CDH13: variants seen among roughly 807,000 people sequenced by gnomAD.
The protein encoded by CDH13 is cadherin-13.
CDH13 carries 24 observed loss-of-function variants against 63.8 expected under a neutral mutation model. The ratio of observed to expected loss-of-function variants is 0.38; its 90% CI spans 0.27 to 0.53. The LOEUF is 0.53. Ranked by LOEUF, CDH13 falls within the 20% of genes least tolerant of loss-of-function variation. The pLI is 0.85. For synonymous variants in CDH13, 503 were observed against 355.3 expected, an observed-to-expected ratio of 1.42 and a Z score of -4.67; for missense variants, 1,049 against 903.1, an observed-to-expected ratio of 1.16 and a Z score of -2.07.
In CDH13 at chr16:83,193,280, A is replaced by T. The variant is rs147811418; in HGVS notation, c.484-24065A>T. Among the ~76,000 whole-genome samples, 786 of 151,530 alleles carry T rather than the reference A, an allele frequency of 5.2e-3. 5 individuals carry two copies. The highest frequency in any genetic ancestry group is 0.017 in the African/African-American group (721 of 41,280). The stretch of plus-strand genomic sequence containing the variant: ...ATCTTGGAAGCAAGCCTCCAGGTGG[A>T]TTTTATTCCTATTTTACAGTGGAGG... On this transcript the variant is annotated intron_variant, in intron 4 of 13. Transcript: ENST00000567109.
At chr16:83,022,733 C>T (rs1915457991) in intron 2 of CDH13, among the ~76,000 whole-genome samples, 1 of 152,180 alleles carries the variant, frequency 6.6e-6, no homozygotes, top group Admixed American at 6.5e-5. Flanking sequence ...ATCTGACCAT[C>T]CACTCTGAAA....
intron 7 of CDH13, among the ~76,000 whole-genome samples, chr16:83,529,527 C>T (rs766727804): frequency 1.3e-5 from 2 of 151,960 alleles, no homozygotes; most frequent in Non-Finnish European, 2.9e-5. Context: ...TTTACTAGCC[C>T]AGAGCAATGT....
chr16:82,846,456 C>G (rs1012465691), intron 1 of CDH13, among the ~76,000 whole-genome samples: 11 of 152,170 alleles, frequency 7.2e-5, no homozygotes, highest in Non-Finnish European at 1.5e-5. Flanking sequence ...TGTGTTTACT[C>G]ATTGACTCAT....
chr16:82,640,676 G>A (rs1415836324), intron 1 of CDH13, among the ~76,000 whole-genome samples: 2 of 152,154 alleles, frequency 1.3e-5, no homozygotes, highest in African/African-American at 4.8e-5. Flanking sequence ...ATAGGGCAGA[G>A]GCCAGCGAGG....
At chr16:82,800,930 A>G (rs954515027) in intron 1 of CDH13, among the ~76,000 whole-genome samples, 1 of 152,004 alleles carries the variant, frequency 6.6e-6, no homozygotes, top group Non-Finnish European at 1.5e-5. Context: ...TTTCGACTCC[A>G]TTTGGTACAT....
intron 6 of CDH13, among the ~76,000 whole-genome samples, chr16:83,397,182 T>C (rs888243087): frequency 6.6e-6 from 1 of 152,162 alleles, no homozygotes; most frequent in African/African-American, 2.4e-5. Flanking sequence ...CACCAAGTTG[T>C]GTTTCCCCAA....
At chr16:82,935,027 C>T (rs1365123523) in intron 2 of CDH13, among the ~76,000 whole-genome samples, 2 of 152,180 alleles carry the variant, frequency 1.3e-5, no homozygotes, top group East Asian at 1.9e-4. Context: ...ACCCCGCTCC[C>T]TCGGTACCAA....
intron 7 of CDH13, among the ~76,000 whole-genome samples, chr16:83,577,656 G>A (rs1598319074): frequency 6.6e-6 from 1 of 152,190 alleles, no homozygotes; most frequent in Non-Finnish European, 1.5e-5. Context: ...AGAGGGCTGA[G>A]GAGGAGAAAG....
intron 1 of CDH13, among the ~76,000 whole-genome samples, chr16:82,679,988 C>T (rs1052219672): frequency 2.0e-5 from 3 of 152,162 alleles, no homozygotes; most frequent in South Asian, 2.1e-4. Flanking sequence ...ACAAGGAAGA[C>T]CACCACCATA....
At chr16:82,928,886 T>C (rs9940486) in intron 2 of CDH13, among the ~76,000 whole-genome samples, 56,207 of 152,100 alleles carry the variant, frequency 0.37, 11,224 homozygotes, top group Non-Finnish European at 0.45. Context: ...CATTCTTCTG[T>C]GTATTGATAA....
At chr16:83,011,374 G>C (rs1391345073) in intron 2 of CDH13, among the ~76,000 whole-genome samples, 2 of 152,130 alleles carry the variant, frequency 1.3e-5, no homozygotes, top group Admixed American at 6.5e-5. Context: ...ATATAAACCA[G>C]ACCTCATGAG....
intron 4 of CDH13, among the ~76,000 whole-genome samples, chr16:83,129,240 A>C (rs2035944223): frequency 6.6e-6 from 1 of 152,106 alleles, no homozygotes; most frequent in Non-Finnish European, 1.5e-5. Context: ...GCTCCCAAAA[A>C]ATGTCTAAGT....
intron 3 of CDH13, among the ~76,000 whole-genome samples, chr16:83,119,873 C>T (rs1227030461): frequency 6.6e-6 from 1 of 152,182 alleles, no homozygotes; most frequent in Admixed American, 6.5e-5. Flanking sequence ...TAGAAGTAGA[C>T]ACTTGGCCAC....
intron 1 of CDH13, among the ~76,000 whole-genome samples, chr16:82,842,098 A>ATATATATATGTATG: frequency 3.1e-5 from 1 of 32,628 alleles, no homozygotes; most frequent in African/African-American, 1.1e-4. Flanking sequence ...CTACATATAT[A>ATATATATATGTATG]TATATATATA....
At chr16:83,515,095 G>T (rs1285185364) in intron 7 of CDH13, among the ~76,000 whole-genome samples, 1 of 152,078 alleles carries the variant, frequency 6.6e-6, no homozygotes, top group East Asian at 1.9e-4. Flanking sequence ...ATCTTGTGCT[G>T]TGTCGTAGGT....
At chr16:83,481,503 A>T (rs1467136317) in intron 6 of CDH13, among the ~76,000 whole-genome samples, 1 of 152,328 alleles carries the variant, frequency 6.6e-6, no homozygotes, top group Non-Finnish European at 1.5e-5. Context: ...CTGGCTTTCA[A>T]GGTCAAGAAA....
chr16:83,011,317 G>T (rs1914129622), intron 2 of CDH13, among the ~76,000 whole-genome samples: 1 of 152,132 alleles, frequency 6.6e-6, no homozygotes, highest in South Asian at 2.1e-4. Context: ...TGCTTGCAAA[G>T]TCTTAGCACA....
intron 1 of CDH13, among the ~76,000 whole-genome samples, chr16:82,777,615 A>C (rs1300322394): frequency 1.3e-5 from 2 of 152,208 alleles, no homozygotes; most frequent in Non-Finnish European, 2.9e-5. Context: ...TAGCAGCTTA[A>C]AACCATATTT....
At chr16:83,612,251 T>C (rs531263819) in intron 8 of CDH13, among the ~76,000 whole-genome samples, 1 of 152,214 alleles carries the variant, frequency 6.6e-6, no homozygotes, top group East Asian at 1.9e-4. Flanking sequence ...TTTACCATCA[T>C]GAAATGTACC....
Sources: allele counts gnomAD v4.1 joint callset (sites outside exome capture counted in the v4.1 genomes callset), GRCh38; gene constraint gnomAD v4.1.1; transcripts MANE v1.5; gene names NCBI Gene and HGNC (gene_info 2026-07-23, HGNC 2026-07-21).